HMGA2: variants seen among roughly 807,000 people sequenced by gnomAD.
The protein encoded by HMGA2 is high mobility group AT-hook 2.
Under a neutral mutation model 19.1 loss-of-function variants are expected in HMGA2, and 8 were observed. The ratio of observed to expected loss-of-function variants is 0.42; its 90% CI spans 0.25 to 0.76. HMGA2 has a LOEUF of 0.76. Ranked by LOEUF, HMGA2 falls within the 30% of genes least tolerant of loss-of-function variation. HMGA2 has a pLI of 0.28. For missense variants in HMGA2, 109 were observed against 136.3 expected (o/e 0.80, Z 1.00); for synonymous variants, 60 against 48.8 (o/e 1.23, Z -0.96).
intron 3 of HMGA2, among the ~76,000 whole-genome samples, chr12:65,862,000 A>C (rs1872111237): frequency 6.6e-6 from 1 of 151,760 alleles, no homozygotes; most frequent in Non-Finnish European, 1.5e-5. Flanking sequence ...GCCCACCACC[A>C]CGCCCGGCTA....
At chr12:65,908,633 G>A (rs1439747157) in intron 3 of HMGA2, among the ~76,000 whole-genome samples, 1 of 152,140 alleles carries the variant, frequency 6.6e-6, no homozygotes, top group Non-Finnish European at 1.5e-5. Context: ...ATTTGTTTAT[G>A]CATCTATTTC....
rs17101848 is a variant in HMGA2 at position 65,861,680 on chromosome 12, T to C, written c.249+23111T>C. 5.0e-3 allele frequency among the ~76,000 whole-genome samples: 758 copies of C among 151,310 alleles called. 7 individuals carry two copies. The highest frequency in any genetic ancestry group is 0.018 in the African/African-American group (726 of 41,382). On this transcript the variant is annotated intron_variant, in intron 3 of 4. Transcript: ENST00000403681. ...TATATTTAATTTAAGCACCTTGTAG[T>C]TCCATGGAAAACAAACTGATAAAAT...
Position 65,851,383 on chromosome 12 carries a change from C to T in HMGA2, c.249+12814C>T, listed in dbSNP as rs188116566. 8.8e-4 allele frequency: 153 copies of T among 173,274 alleles called. 1 individual carries two copies. In the East Asian group the frequency reaches 0.015, roughly 17 times the overall value. The allele number at this position is 173,274 out of a possible 1,614,324, so 10.7% of individuals were successfully genotyped here. A position where few individuals can be genotyped will look rare whatever the true frequency, so the allele number is the denominator to read the frequency against. ...ACAAAAAATTAGCCGGGTGTGGTGG[C>T]GCATGCCTGTAATCCTAGCTACTTG... is the stretch of plus-strand genomic sequence containing the variant. On this transcript the variant is annotated intron_variant, in intron 3 of 4. Transcript: ENST00000403681.
intron 2 of HMGA2, among the ~76,000 whole-genome samples, chr12:65,835,974 C>T (rs1265349055): frequency 6.6e-6 from 1 of 152,154 alleles, no homozygotes; most frequent in Non-Finnish European, 1.5e-5. Flanking sequence ...TAGAGAACTC[C>T]ACACTCATGT....
chr12:65,864,861 T>A (rs935262393), intron 3 of HMGA2, among the ~76,000 whole-genome samples: 2 of 152,206 alleles, frequency 1.3e-5, no homozygotes, highest in Non-Finnish European at 2.9e-5. Flanking sequence ...TAGTGCACAC[T>A]TGACCCTTGA....
At chr12:65,913,415 C>T (rs1454723782) in intron 3 of HMGA2, among the ~76,000 whole-genome samples, 1 of 152,190 alleles carries the variant, frequency 6.6e-6, no homozygotes, top group Non-Finnish European at 1.5e-5. Flanking sequence ...GGTAAGGAAA[C>T]TTGCCTTCTT....
intron 3 of HMGA2, among the ~76,000 whole-genome samples, chr12:65,902,684 G>A (rs1364307432): frequency 1.3e-5 from 2 of 152,270 alleles, no homozygotes; most frequent in African/African-American, 2.4e-5. Context: ...TGAGGAAATG[G>A]AACAGACAGT....
At chr12:65,914,106 C>T (rs1422026148) in intron 3 of HMGA2, among the ~76,000 whole-genome samples, 2 of 152,090 alleles carry the variant, frequency 1.3e-5, no homozygotes, top group Non-Finnish European at 2.9e-5. Context: ...GGATCTAGAA[C>T]TAGAAATACC....
At chr12:65,873,417 G>A (rs1000360690) in intron 3 of HMGA2, among the ~76,000 whole-genome samples, 1 of 152,116 alleles carries the variant, frequency 6.6e-6, no homozygotes. Flanking sequence ...ACTGAATCTA[G>A]GCTAAGTGTA....
chr12:65,956,682 T>A (rs1329955239), intron 4 of HMGA2: 1 of 152,184 alleles, frequency 6.6e-6, no homozygotes, highest in African/African-American at 2.4e-5. Flanking sequence ...TTAGTGTTTC[T>A]GGACTTGACA....
At position 65,848,627 on chromosome 12, in the gene HMGA2, C is replaced by T. The variant is rs1291850082; in HGVS notation, c.249+10058C>T. Among the ~76,000 whole-genome samples, 3 of 151,982 alleles carry T rather than the reference C, an allele frequency of 2.0e-5. No homozygotes were observed. In the East Asian group the frequency reaches 5.8e-4, roughly 29 times the overall value. Reference sequence around the variant, plus strand: ...ATCCCAGCACTTTGGGAGGCCGAGGCGGGTGGATCATGAGGTCAGGAGATC... The same window carrying T: ...ATCCCAGCACTTTGGGAGGCCGAGGTGGGTGGATCATGAGGTCAGGAGATC... On this transcript the variant is annotated intron_variant, in intron 3 of 4. Transcript: ENST00000403681.
intron 3 of HMGA2, among the ~76,000 whole-genome samples, chr12:65,930,421 G>A (rs147301954): frequency 1.7e-3 from 265 of 152,310 alleles, no homozygotes; most frequent in African/African-American, 5.7e-3. Flanking sequence ...CAAGTGGGCT[G>A]GCAGGCAAGC....
In HMGA2 at chr12:65,824,889, TC is replaced by T; in HGVS notation, c.-380del. 1 of 280,278 alleles carries T rather than the reference TC, an allele frequency of 3.6e-6. No homozygotes were observed. Among genetic ancestry groups the T allele is most frequent in the Non-Finnish European group, 6.7e-6 (1 of 148,608 alleles). The allele number at this position is 280,278 out of a possible 1,614,324, so 17.4% of individuals were successfully genotyped here. A position where few individuals can be genotyped will look rare whatever the true frequency, so the allele number is the denominator to read the frequency against. ...CCGAAGTGCTCCCGGTGCCCGCAAC[TC>T]CTGATCCCAACCCGCGAGAGGAGCC... On this transcript the variant is annotated 5_prime_UTR_variant, in exon 1 of 5. Coordinates refer to ENST00000403681, the MANE Select transcript of HMGA2 (RefSeq NM_003483.6).
rs182726446 is a variant in HMGA2, at chr12:65,891,632, G to C, written c.249+53063G>C. On this transcript the variant is annotated intron_variant, in intron 3 of 4. Coordinates refer to ENST00000403681, the MANE Select transcript of HMGA2 (RefSeq NM_003483.6). ...GTAAATAATAAAATGCCCAAGATGG[G>C]AGAAGAGCAGTTTTCCTGGCTTCTC... Among the ~76,000 whole-genome samples the C allele has an allele frequency of 1.4e-4, 21 of 152,344 alleles. No homozygotes were observed. The East Asian group carries it at 3.3e-3, about 24-fold the overall frequency.
At chr12:65,842,227 A>G in intron 3 of HMGA2, 1 of 656,674 alleles carries the variant, frequency 1.5e-6, no homozygotes, top group Non-Finnish European at 2.5e-6. Context: ...CATGACCTTT[A>G]AAGGTCCAGT....
chr12:65,873,056 C>T (rs749522146), intron 3 of HMGA2, among the ~76,000 whole-genome samples: 2 of 152,312 alleles, frequency 1.3e-5, no homozygotes, highest in African/African-American at 2.4e-5. Context: ...AGTTCAAATA[C>T]GGTGCCCCCG....
intron 3 of HMGA2, chr12:65,867,376 C>T (rs12372204): frequency 2.7e-6 from 1 of 367,968 alleles, no homozygotes; most frequent in Middle Eastern, 3.8e-4. Flanking sequence ...CTTCTAGGAA[C>T]TTAATCTGTT....
At chr12:65,953,808 A>G in intron 4 of HMGA2, 1 of 152,232 alleles carries the variant, frequency 6.6e-6, no homozygotes, top group East Asian at 1.9e-4. Flanking sequence ...ACTACGTGAA[A>G]GTTCGTGGAG....
rs1565697395 is a variant in HMGA2 at position 65,824,715 on chromosome 12, C to CTCTCTCTCTCTG, written c.-545_-544insGTCTCTCTCTCT. On this transcript the variant is annotated 5_prime_UTR_variant, in exon 1 of 5. Coordinates refer to ENST00000403681, the MANE Select transcript of HMGA2 (RefSeq NM_003483.6). ...AAGGCACTTTCAATCTCAATCTCTT[C>CTCTCTCTCTCTG]TCTCTCTCTCTCTCTCTCTCTCTCT... is the stretch of plus-strand genomic sequence containing the variant. The CTCTCTCTCTCTG allele has an allele frequency of 1.5e-3, 30 of 20,166 alleles. No homozygotes were observed. Among genetic ancestry groups the CTCTCTCTCTCTG allele is most frequent in the African/African-American group, 5.4e-3 (30 of 5,556 alleles). The allele number at this position is 20,166 out of a possible 1,614,324, so 1.2% of individuals were successfully genotyped here.
Sources: allele counts gnomAD v4.1 joint callset (sites outside exome capture counted in the v4.1 genomes callset), GRCh38; gene constraint gnomAD v4.1.1; transcripts MANE v1.5; gene names NCBI Gene and HGNC (gene_info 2026-07-23, HGNC 2026-07-21).